Variants in DLG2 observed in about 807,000 individuals in gnomAD.
DLG2 encodes discs large MAGUK scaffold protein 2, also known as disks large homolog 2.
Under a neutral mutation model 132.5 loss-of-function variants are expected in DLG2, and 45 were observed. The ratio of observed to expected loss-of-function variants is 0.34; its 90% CI spans 0.27 to 0.44. DLG2 has a LOEUF of 0.44. Ranked by LOEUF, DLG2 falls within the 20% of genes least tolerant of loss-of-function variation. The pLI is 1.00. For synonymous variants in DLG2, 424 were observed against 419.6 expected, an observed-to-expected ratio of 1.01 and a Z score of -0.13; for missense variants, 1,045 against 1,196.9, an observed-to-expected ratio of 0.87 and a Z score of 1.87.
intron 6 of DLG2, among the ~76,000 whole-genome samples, chr11:84,716,613 C>T (rs1019675467): frequency 4.8e-5 from 7 of 145,296 alleles, no homozygotes; most frequent in African/African-American, 1.8e-4. Flanking sequence ...ACTACTATGA[C>T]AAAGAAAAAA....
At chr11:84,935,217 T>C (rs1361379806) in intron 6 of DLG2, among the ~76,000 whole-genome samples, 1 of 152,212 alleles carries the variant, frequency 6.6e-6, no homozygotes, top group Non-Finnish European at 1.5e-5. Context: ...TCTTGAGTGG[T>C]TATTGCAGAA....
intron 6 of DLG2, among the ~76,000 whole-genome samples, chr11:84,539,074 A>T (rs1225872877): frequency 6.6e-6 from 1 of 152,178 alleles, no homozygotes; most frequent in Non-Finnish European, 1.5e-5. Flanking sequence ...CAATATTACA[A>T]CCAATAATAA....
chr11:84,410,588 T>C (rs2154457465), intron 7 of DLG2, among the ~76,000 whole-genome samples: 1 of 150,126 alleles, frequency 6.7e-6, no homozygotes, highest in Admixed American at 6.6e-5. Context: ...TTTTTTTTTT[T>C]TTTTTTTTTG....
intron 7 of DLG2, among the ~76,000 whole-genome samples, chr11:84,331,067 G>A (rs2098456131): frequency 6.6e-6 from 1 of 152,130 alleles, no homozygotes; most frequent in African/African-American, 2.4e-5. Context: ...TAAAATTTTT[G>A]CCTTAATTAT....
chr11:83,886,675 C>T (rs1367831723), intron 15 of DLG2, among the ~76,000 whole-genome samples: 8 of 151,404 alleles, frequency 5.3e-5, no homozygotes, highest in Admixed American at 1.3e-4. Context: ...ACACCTATTC[C>T]AAAATTGACC....
chr11:85,285,341 G>A lies in DLG2; in HGVS notation c.65C>T (p.Thr22Ile). 6.2e-7 allele frequency: 1 copy of A among 1,611,020 alleles called. No individual in the cohort carries two copies. Among genetic ancestry groups the A allele is most frequent in the Non-Finnish European group, 8.5e-7 (1 of 1,178,328 alleles). ...LLDIQEFYEV[T>I]LLNSQKSCEQ... is the part of the protein sequence containing the mutation. ...ACAACTTTTTTGAGAATTTAGCAATGTCACCTCATAAAATTCTTGGATATC... is the reference window on the plus strand; with the variant it reads ...ACAACTTTTTTGAGAATTTAGCAATATCACCTCATAAAATTCTTGGATATC... The change falls in exon 4 of 28, where the codon ACA (threonine) becomes ATA (isoleucine). Residue 22 changes from threonine to isoleucine, a missense_variant. Coordinates refer to ENST00000376104, the MANE Select transcript of DLG2 (RefSeq NM_001142699.3).
intron 6 of DLG2, among the ~76,000 whole-genome samples, chr11:84,695,212 C>T (rs1329851121): frequency 6.6e-6 from 1 of 151,456 alleles, no homozygotes; most frequent in Non-Finnish European, 1.5e-5. Flanking sequence ...CTTTATCAGG[C>T]TCATATTACA....
At chr11:84,509,169 G>C (rs918567181) in intron 7 of DLG2, among the ~76,000 whole-genome samples, 1 of 152,170 alleles carries the variant, frequency 6.6e-6, no homozygotes, top group African/African-American at 2.4e-5. Context: ...GAGGATAAGA[G>C]ATATATCATA....
At chr11:83,904,548 C>G (rs11600051) in intron 15 of DLG2, among the ~76,000 whole-genome samples, 29,947 of 152,056 alleles carry the variant, frequency 0.2, 3,090 homozygotes, top group East Asian at 0.35. Flanking sequence ...GCACATGTTG[C>G]TAGCAGAAGC....
At chr11:83,765,357 T>C (rs1424673354) in intron 18 of DLG2, among the ~76,000 whole-genome samples, 1 of 152,224 alleles carries the variant, frequency 6.6e-6, no homozygotes, top group Non-Finnish European at 1.5e-5. Flanking sequence ...AGCAGATTTG[T>C]TCTGAAAATA....
chr11:84,207,355 A>G (rs1422090390), intron 8 of DLG2, among the ~76,000 whole-genome samples: 2 of 152,078 alleles, frequency 1.3e-5, no homozygotes, highest in Non-Finnish European at 2.9e-5. Context: ...GAAAGAAAAA[A>G]AAAATCAGAT....
intron 3 of DLG2, among the ~76,000 whole-genome samples, chr11:85,377,082 G>A (rs1019784113): frequency 1.3e-5 from 2 of 152,184 alleles, no homozygotes; most frequent in Non-Finnish European, 2.9e-5. Context: ...CCAAGGTCAT[G>A]TAAGTGATAG....
At chr11:85,490,194 A>G (rs1456609514) in intron 3 of DLG2, among the ~76,000 whole-genome samples, 2 of 152,182 alleles carry the variant, frequency 1.3e-5, no homozygotes, top group Non-Finnish European at 2.9e-5. Flanking sequence ...TCTCTAAAGA[A>G]AAACAAAAAA....
intron 5 of DLG2, among the ~76,000 whole-genome samples, chr11:85,119,079 G>C (rs1341311775): frequency 1.3e-5 from 2 of 151,702 alleles, no homozygotes; most frequent in African/African-American, 4.8e-5. Context: ...TATCTCACAA[G>C]GTTACTATGA....
At chr11:84,902,467 T>C (rs899956689) in intron 6 of DLG2, among the ~76,000 whole-genome samples, 1 of 152,174 alleles carries the variant, frequency 6.6e-6, no homozygotes, top group East Asian at 1.9e-4. Context: ...TAATACCTTA[T>C]ATCTAAAAAG....
intron 18 of DLG2, among the ~76,000 whole-genome samples, chr11:83,674,376 A>G (rs1315620167): frequency 6.6e-6 from 1 of 152,172 alleles, no homozygotes; most frequent in African/African-American, 2.4e-5. Context: ...AACTCAACAC[A>G]CTTACTGATA....
At chr11:85,126,549 G>A (rs1292309039) in intron 5 of DLG2, among the ~76,000 whole-genome samples, 1 of 152,036 alleles carries the variant, frequency 6.6e-6, no homozygotes, top group Non-Finnish European at 1.5e-5. Flanking sequence ...GTCAGGTTAT[G>A]TTAAATTTTC....
chr11:84,972,844 T>C (rs1476124210), intron 6 of DLG2, among the ~76,000 whole-genome samples: 2 of 152,186 alleles, frequency 1.3e-5, no homozygotes, highest in African/African-American at 2.4e-5. Context: ...TCCAGCTTGT[T>C]GAGACTGCAG....
chr11:85,425,487 T>C lies in DLG2; in HGVS notation c.41-140122A>G, dbSNP rs191665779. 1.6e-4 allele frequency among the ~76,000 whole-genome samples: 25 copies of C among 152,266 alleles called. 1 individual carries two copies. The highest frequency in any genetic ancestry group is 4.3e-4 in the African/African-American group (18 of 41,554). On this transcript the variant is annotated intron_variant, in intron 3 of 27. Transcript: ENST00000376104. ...AATGTTTTTGAGGTTATGGTAAAAG[T>C]GGTACACTCATACATTACTGGTAAC...
Sources: gnomAD v4.1 joint callset for allele counts (sites outside exome capture counted in the v4.1 genomes callset) on GRCh38, gnomAD v4.1.1 for gene constraint, MANE v1.5 for transcripts, NCBI Gene and HGNC (gene_info 2026-07-23, HGNC 2026-07-21) for gene names.